The following DAB1 variants were observed in gnomAD, a reference collection of about 807,000 sequenced individuals.
DAB1 encodes the protein disabled homolog 1.
DAB1 carries 15 observed loss-of-function variants against 64.6 expected under a neutral mutation model. The ratio of observed to expected loss-of-function variants is 0.23; its 90% CI spans 0.16 to 0.36. The LOEUF (loss-of-function observed/expected upper bound fraction) is 0.36. Among genes scored for constraint, DAB1 ranks in the 10% least tolerant of loss-of-function variants. The pLI is 1.00. For synonymous variants in DAB1, 235 were observed against 251.9 expected (o/e 0.93, Z 0.64); for missense variants, 596 against 706.7 (o/e 0.84, Z 1.78).
chr1:57,292,936 G>T (rs1672896934), intron 1 of DAB1, among the ~76,000 whole-genome samples: 2 of 152,076 alleles, frequency 1.3e-5, no homozygotes, highest in African/African-American at 2.4e-5. Flanking sequence ...CTTCAAAGAG[G>T]ATAAGCCCTA....
At position 58,257,829 on chromosome 1, in the gene DAB1, G is replaced by A. The variant is rs554981388; in HGVS notation, n.309+85523C>T. Among the ~76,000 whole-genome samples, 55 of 152,274 alleles carry A rather than the reference G, an allele frequency of 3.6e-4. No individual in the cohort carries two copies. The South Asian group carries it at 0.011, about 30-fold the overall frequency. ...CCCCTATGAGGTTATGGTTTATGAT[G>A]TAAGGCCCCAAAAGGTTACGTGCAT... is the stretch of plus-strand genomic sequence containing the variant. On this transcript the variant is annotated intron_variant and non_coding_transcript_variant, in intron 4 of 20. Transcript: ENST00000485760.
chr1:57,536,232 G>C (rs1446801734), intron 7 of DAB1, among the ~76,000 whole-genome samples: 1 of 152,104 alleles, frequency 6.6e-6, no homozygotes, highest in Non-Finnish European at 1.5e-5. Flanking sequence ...TGGAACAGTT[G>C]GTCTCTGAAC....
At chr1:57,479,529 T>C (rs1388351161) in intron 7 of DAB1, among the ~76,000 whole-genome samples, 2 of 151,832 alleles carry the variant, frequency 1.3e-5, no homozygotes, top group Non-Finnish European at 2.9e-5. Context: ...CAAAAGTTTG[T>C]AGTTTAAAAT....
intron 3 of DAB1, among the ~76,000 whole-genome samples, chr1:58,397,246 G>C (rs773704828): frequency 2.2e-4 from 34 of 152,076 alleles, no homozygotes; most frequent in African/African-American, 8.2e-4. Context: ...GCCCATACTC[G>C]GCCCAGGCAC....
intron 4 of DAB1, among the ~76,000 whole-genome samples, chr1:58,282,956 C>T (rs372996199): frequency 6.6e-6 from 1 of 152,320 alleles, no homozygotes; most frequent in African/African-American, 2.4e-5. Context: ...AAGAAGCCAA[C>T]TTTGCTGGGA....
chr1:57,011,135 G>A lies in DAB1; in HGVS notation c.1572+10C>T, dbSNP rs201030683. Reference sequence around the variant, plus strand: ...GAAAAACACAAACAAATAACAAACTGGTCACTTACAGCTTCTTGCTCTTCG... The same window carrying A: ...GAAAAACACAAACAAATAACAAACTAGTCACTTACAGCTTCTTGCTCTTCG... On this transcript the variant is annotated intron_variant, in intron 13 of 14. Transcript: ENST00000371236. 1.3e-5 allele frequency: 21 copies of A among 1,613,610 alleles called. No individual in the cohort carries two copies. The highest frequency in any genetic ancestry group is 1.7e-5 in the Non-Finnish European group (20 of 1,179,782).
chr1:58,129,672 G>C (rs1304317373), intron 5 of DAB1, among the ~76,000 whole-genome samples: 2 of 143,878 alleles, frequency 1.4e-5, no homozygotes, highest in Non-Finnish European at 3.1e-5. Context: ...TGTTCTCGTT[G>C]GTTTCAAAGA....
intron 3 of DAB1, among the ~76,000 whole-genome samples, chr1:58,457,176 C>G (rs1645200171): frequency 6.6e-6 from 1 of 152,138 alleles, no homozygotes; most frequent in Admixed American, 6.5e-5. Flanking sequence ...TCACTCATAC[C>G]AGTCATGTCA....
intron 3 of DAB1, among the ~76,000 whole-genome samples, chr1:58,421,658 G>A (rs1381631093): frequency 6.6e-6 from 1 of 152,156 alleles, no homozygotes; most frequent in East Asian, 1.9e-4. Flanking sequence ...CACACAGAGA[G>A]TTCTGTGATC....
intron 1 of DAB1, among the ~76,000 whole-genome samples, chr1:57,296,220 ATGCTAAAGTGATAGAC>A (rs1673183059): frequency 1.3e-5 from 2 of 152,194 alleles, no homozygotes; most frequent in Non-Finnish European, 2.9e-5. Context: ...GCAGGAAAGA[ATGCTAAAGTGATAGAC>A]TGAAAATTGT....
chr1:58,195,428 G>T (rs1156529911), intron 4 of DAB1, among the ~76,000 whole-genome samples: 1 of 152,088 alleles, frequency 6.6e-6, no homozygotes, highest in African/African-American at 2.4e-5. Context: ...GACACAGAGA[G>T]GGCAATGTTT....
At chr1:57,931,444 C>T (rs1644951620) in intron 5 of DAB1, among the ~76,000 whole-genome samples, 1 of 152,108 alleles carries the variant, frequency 6.6e-6, no homozygotes, top group Non-Finnish European at 1.5e-5. Context: ...TAATTTATTC[C>T]TTAAGTTGTA....
At chr1:57,062,127 G>A (rs1650459688) in intron 9 of DAB1, among the ~76,000 whole-genome samples, 1 of 152,152 alleles carries the variant, frequency 6.6e-6, no homozygotes. Context: ...GTGGTTTGGA[G>A]CAGTACCACA....
At chr1:57,671,167 A>T (rs1241919585) in intron 6 of DAB1, among the ~76,000 whole-genome samples, 1 of 152,126 alleles carries the variant, frequency 6.6e-6, no homozygotes. Flanking sequence ...CAGAGGGCTG[A>T]CTGTGTTTAT....
At chr1:58,077,187 C>T (rs1323373095) in intron 5 of DAB1, among the ~76,000 whole-genome samples, 1 of 152,116 alleles carries the variant, frequency 6.6e-6, no homozygotes, top group East Asian at 1.9e-4. Flanking sequence ...TCACTTGCCA[C>T]TGACCAGTCA....
intron 1 of DAB1, among the ~76,000 whole-genome samples, chr1:57,847,830 T>C (rs1182747183): frequency 1.3e-5 from 2 of 152,210 alleles, no homozygotes; most frequent in African/African-American, 2.4e-5. Flanking sequence ...AAGTTATGTA[T>C]ATATCTTTTA....
At chr1:57,570,349 T>A (rs1351671683) in intron 7 of DAB1, among the ~76,000 whole-genome samples, 1 of 152,106 alleles carries the variant, frequency 6.6e-6, no homozygotes, top group Middle Eastern at 3.4e-3. Flanking sequence ...GCAGACAACC[T>A]ATTGTGGGGC....
At chr1:57,060,482 C>T (rs1422209843) in intron 9 of DAB1, among the ~76,000 whole-genome samples, 2 of 152,072 alleles carry the variant, frequency 1.3e-5, no homozygotes, top group South Asian at 4.1e-4. Context: ...CTAAAGCAGC[C>T]GTGTTGTACC....
At chr1:58,379,230 G>A (rs1644365890) in intron 3 of DAB1, among the ~76,000 whole-genome samples, 1 of 152,186 alleles carries the variant, frequency 6.6e-6, no homozygotes, top group African/African-American at 2.4e-5. Context: ...TTCTTCCATG[G>A]CTATGACTAT....
Sources: allele counts gnomAD v4.1 joint callset (sites outside exome capture counted in the v4.1 genomes callset), GRCh38; gene constraint gnomAD v4.1.1; transcripts MANE v1.5; gene names NCBI Gene and HGNC (gene_info 2026-07-23, HGNC 2026-07-21).